The following XKR6 variants were observed in gnomAD, a reference collection of about 807,000 sequenced individuals.
XKR6 encodes XK-related protein 6.
In XKR6, 22 loss-of-function variants were observed where a neutral mutation model predicts 56.7. The observed-to-expected ratio is 0.39, with a 90% CI of 0.28 to 0.55. The LOEUF (loss-of-function observed/expected upper bound fraction) is 0.55, where lower values mean the gene tolerates loss of function less well. Among genes scored for constraint, XKR6 ranks in the 20% least tolerant of loss-of-function variants. The pLI, the probability that XKR6 is intolerant of heterozygous loss-of-function variation, is 0.66. For missense variants in XKR6, 852 were observed against 889.0 expected (o/e 0.96, Z 0.53); for synonymous variants, 524 against 387.8 (o/e 1.35, Z -4.13).
chr8:11,138,510 T>G (rs994759055), intron 1 of XKR6: 7 of 152,238 alleles, frequency 4.6e-5, no homozygotes, highest in African/African-American at 1.7e-4. Flanking sequence ...TTGGCTACAT[T>G]AGTTTTCCAT....
chr8:10,991,349 G>C (rs905825627), intron 1 of XKR6, among the ~76,000 whole-genome samples: 1 of 152,186 alleles, frequency 6.6e-6, no homozygotes, highest in Non-Finnish European at 1.5e-5. Context: ...AGCGTTCAAA[G>C]CTTTCCTGTA....
chr8:11,194,048 A>G (rs572212149), intron 1 of XKR6, among the ~76,000 whole-genome samples: 3 of 152,352 alleles, frequency 2.0e-5, no homozygotes, highest in East Asian at 1.9e-4. Flanking sequence ...AATTTGTTTA[A>G]TAAGTCAAAA....
At chr8:11,147,092 T>TTAATAA (rs578255580) in intron 1 of XKR6, among the ~76,000 whole-genome samples, 1 of 151,110 alleles carries the variant, frequency 6.6e-6, no homozygotes, top group Non-Finnish European at 1.5e-5. Flanking sequence ...TACCACAAAA[T>TTAATAA]TAATAATAAT....
At chr8:11,107,350 C>A (rs556648360) in intron 1 of XKR6, among the ~76,000 whole-genome samples, 1 of 152,096 alleles carries the variant, frequency 6.6e-6, no homozygotes, top group Non-Finnish European at 1.5e-5. Context: ...CAAGTGCACA[C>A]CACCATGCCC....
chr8:10,969,020 C>G (rs1802317439), intron 1 of XKR6, among the ~76,000 whole-genome samples: 1 of 152,182 alleles, frequency 6.6e-6, no homozygotes. Flanking sequence ...CTAAAATTGT[C>G]AGAAATTTCC....
chr8:11,150,474 T>C (rs774971605), intron 1 of XKR6, among the ~76,000 whole-genome samples: 47 of 152,222 alleles, frequency 3.1e-4, no homozygotes, highest in Non-Finnish European at 5.9e-4. Context: ...CCCGGGGTTC[T>C]GGAAACTTCT....
intron 1 of XKR6, among the ~76,000 whole-genome samples, chr8:10,946,638 G>A (rs1801552311): frequency 6.6e-6 from 1 of 151,970 alleles, no homozygotes. Flanking sequence ...CTACTGCAGT[G>A]ATCCAAACCC....
intron 1 of XKR6, among the ~76,000 whole-genome samples, chr8:11,019,054 T>G (rs1475333217): frequency 6.6e-6 from 1 of 152,146 alleles, no homozygotes; most frequent in Non-Finnish European, 1.5e-5. Context: ...TTTCACTCCT[T>G]CTTCCTGGTG....
chr8:10,972,622 A>G (rs927532964), intron 1 of XKR6, among the ~76,000 whole-genome samples: 1 of 152,260 alleles, frequency 6.6e-6, no homozygotes, highest in Non-Finnish European at 1.5e-5. Flanking sequence ...AAAAGGACGA[A>G]TACTGTATGA....
At chr8:11,064,426 C>T (rs968404760) in intron 1 of XKR6, among the ~76,000 whole-genome samples, 38 of 145,626 alleles carry the variant, frequency 2.6e-4, no homozygotes, top group Middle Eastern at 3.4e-3. Flanking sequence ...GTTCCTAATC[C>T]GTTATCGTGC....
In XKR6 at chr8:11,200,706, C is replaced by G; in HGVS notation, c.634G>C (p.Val212Leu). The G allele has an allele frequency of 6.3e-7, 1 of 1,579,710 alleles. No individual in the cohort carries two copies. The highest frequency in any genetic ancestry group is 8.6e-7 in the Non-Finnish European group (1 of 1,169,492). Reference sequence around the variant, plus strand: ...GGGCCACCGCGGGCCGCGCCGTGGACGTAGCCGGCCCCCATCATGGGGGGG... The same window carrying G: ...GGGCCACCGCGGGCCGCGCCGTGGAGGTAGCCGGCCCCCATCATGGGGGGG... ...RGPPMMGAGY[V>L]HGAARGGPGV... Residue 212 changes from valine (V) to leucine (L), a missense_variant, in exon 1 of 3, where the codon GTC becomes CTC. Transcript: ENST00000416569. The surrounding 1 kb of genome is among the most constrained non-coding windows in gnomAD (Gnocchi z 6.4).
Position 11,200,658 on chromosome 8 carries a change from G to A in XKR6, c.682C>T (p.Pro228Ser), listed in dbSNP as rs1300578687. The A allele has an allele frequency of 5.8e-6, 9 of 1,554,938 alleles. No homozygotes were observed. The African/African-American group carries it at 8.6e-5, about 15-fold the overall frequency. Residue 228 changes from proline to serine, a missense_variant, in exon 1 of 3, where the codon CCG (proline) becomes TCG (serine). Pro to Ser is a moderately conservative substitution (Grantham distance 74). This residue lies in a region of XKR6 where 417 missense variants were observed against 355.2 expected (regional missense o/e 1.17). Coordinates refer to ENST00000416569, the MANE Select transcript of XKR6 (RefSeq NM_173683.4). The surrounding 1 kb of genome is among the most constrained non-coding windows in gnomAD (Gnocchi z 6.4). ...GGPGVRVSPT[P>S]GAQRLCRLSV... ...AGGCGACACAGGCGCTGCGCCCCCGGCGTGGGGGAGACCCTCACGCCTGGG... is the reference window on the plus strand; with the variant it reads ...AGGCGACACAGGCGCTGCGCCCCCGACGTGGGGGAGACCCTCACGCCTGGG...
chr8:11,072,770 G>C (rs1800165325), intron 1 of XKR6, among the ~76,000 whole-genome samples: 2 of 147,216 alleles, frequency 1.4e-5, no homozygotes, highest in Non-Finnish European at 1.5e-5. Context: ...CACATGCTAG[G>C]CCAGGCAAGG....
intron 1 of XKR6, among the ~76,000 whole-genome samples, chr8:10,943,912 A>G (rs1184612756): frequency 6.6e-6 from 1 of 152,076 alleles, no homozygotes; most frequent in Non-Finnish European, 1.5e-5. Flanking sequence ...CAGGGAGTTC[A>G]ATGGCCCTGC....
At chr8:11,075,644 G>C (rs528866028) in intron 1 of XKR6, among the ~76,000 whole-genome samples, 20 of 152,226 alleles carry the variant, frequency 1.3e-4, no homozygotes, top group African/African-American at 3.9e-4. Flanking sequence ...CAGCACTTTG[G>C]GAGGCTGAGG....
At chr8:10,998,942 C>G (rs10111751) in intron 1 of XKR6, among the ~76,000 whole-genome samples, 36,609 of 152,166 alleles carry the variant, frequency 0.24, 4,749 homozygotes, top group African/African-American at 0.31. Context: ...GCCTGAGAAT[C>G]AAACCCCTGA....
intron 1 of XKR6, among the ~76,000 whole-genome samples, chr8:11,158,252 T>C (rs1323096810): frequency 6.6e-6 from 1 of 152,014 alleles, no homozygotes; most frequent in African/African-American, 2.4e-5. Context: ...CTGAGCGAGA[T>C]TATTATGGAA....
At chr8:10,984,757 T>TATATATATATATATATATATATA (rs1554519601) in intron 1 of XKR6, among the ~76,000 whole-genome samples, 44 of 139,870 alleles carry the variant, frequency 3.1e-4, no homozygotes, top group Non-Finnish European at 4.9e-4. Context: ...TATATATATA[T>TATATATATATATATATATATATA]TTGAAGAAAT....
chr8:11,004,364 T>G (rs2129143962), intron 1 of XKR6, among the ~76,000 whole-genome samples: 1 of 152,054 alleles, frequency 6.6e-6, no homozygotes, highest in Non-Finnish European at 1.5e-5. Context: ...ACCAGCTACT[T>G]AAGAGGCTGA....
Sources: allele counts gnomAD v4.1 joint callset (sites outside exome capture counted in the v4.1 genomes callset), GRCh38; gene constraint gnomAD v4.1.1; regional missense constraint gnomAD v4.1.1; non-coding constraint Gnocchi (gnomAD v3.1); transcripts MANE v1.5; gene names NCBI Gene and HGNC (gene_info 2026-07-23, HGNC 2026-07-21).